VAV3: variants seen among roughly 807,000 people sequenced by gnomAD.
VAV3 encodes the protein guanine nucleotide exchange factor VAV3.
In VAV3, 94 loss-of-function variants were observed where a neutral mutation model predicts 131.2. The observed-to-expected ratio is 0.72, with a 90% confidence interval of 0.61 to 0.85. The LOEUF is 0.85. Among genes scored for constraint, VAV3 ranks in the 40% least tolerant of loss-of-function variants. The pLI, the probability that VAV3 is intolerant of heterozygous loss-of-function variation, is 0.00. For synonymous variants in VAV3, 349 were observed against 342.0 expected, an observed-to-expected ratio of 1.02 and a Z score of -0.22; for missense variants, 939 against 1,002.7, an observed-to-expected ratio of 0.94 and a Z score of 0.86.
At chr1:107,618,827 T>A (rs900934640) in intron 20 of VAV3, among the ~76,000 whole-genome samples, 3 of 152,180 alleles carry the variant, frequency 2.0e-5, no homozygotes, top group Non-Finnish European at 4.4e-5. Flanking sequence ...ACAGTGGGAC[T>A]TAAATATAAA....
chr1:107,670,979 A>C (rs1657749481), intron 19 of VAV3, among the ~76,000 whole-genome samples: 1 of 152,176 alleles, frequency 6.6e-6, no homozygotes, highest in Non-Finnish European at 1.5e-5. Flanking sequence ...TTTAAATGGA[A>C]GATGCATAAA....
Position 107,669,116 on chromosome 1 carries a change from T to C in VAV3, c.1777+14372A>G, listed in dbSNP as rs181878854. 6.4e-5 allele frequency: 70 copies of C among 1,093,570 alleles called. No homozygotes were observed. In the East Asian group the frequency reaches 5.6e-3, roughly 87 times the overall value. 67.7% of individuals were successfully genotyped at this position (1,093,570 alleles called of 1,614,324 possible). On this transcript the variant is annotated intron_variant, in intron 19 of 26. Transcript: ENST00000370056. ...TGAGTTATGCCGGTGTTCTTTAAAA[T>C]TGAAGACAGAAAAATTCTTGGCTGC... is the stretch of plus-strand genomic sequence containing the variant.
chr1:107,795,994 G>A (rs1666521107), intron 2 of VAV3, among the ~76,000 whole-genome samples: 2 of 152,094 alleles, frequency 1.3e-5, no homozygotes. Flanking sequence ...AGAAGATTGG[G>A]TAAAAGCTCA....
intron 19 of VAV3, among the ~76,000 whole-genome samples, chr1:107,665,958 G>A (rs1281923993): frequency 1.3e-5 from 2 of 152,136 alleles, no homozygotes; most frequent in African/African-American, 4.8e-5. Flanking sequence ...GAATTGTGAG[G>A]AAAAAGGAAA....
chr1:107,572,813 T>C lies in VAV3; in HGVS notation c.*518A>G, dbSNP rs1383973641. 1 of 153,260 alleles carries C rather than the reference T, an allele frequency of 6.5e-6. No individual in the cohort carries two copies. The highest frequency in any genetic ancestry group is 1.5e-5 in the Non-Finnish European group (1 of 68,478). 9.5% of individuals were successfully genotyped at this position (153,260 alleles called of 1,614,324 possible). On this transcript the variant is annotated 3_prime_UTR_variant, in exon 27 of 27. Coordinates refer to ENST00000370056, the MANE Select transcript of VAV3 (RefSeq NM_006113.5). Reference sequence around the variant, plus strand: ...GTTTGCCGGGCAATGAGTCACCTTGTTGGACAATTTAAGACAAGTAAGGCT... The same window carrying C: ...GTTTGCCGGGCAATGAGTCACCTTGCTGGACAATTTAAGACAAGTAAGGCT...
At chr1:107,635,552 A>T (rs1654856597) in intron 20 of VAV3, among the ~76,000 whole-genome samples, 1 of 152,134 alleles carries the variant, frequency 6.6e-6, no homozygotes, top group South Asian at 2.1e-4. Context: ...GCACACAAAC[A>T]TGGCACATGT....
intron 1 of VAV3, among the ~76,000 whole-genome samples, chr1:107,895,495 G>A (rs72983425): frequency 0.046 from 7,063 of 152,194 alleles, 424 homozygotes; most frequent in African/African-American, 0.14. Context: ...TACAGATGAG[G>A]AAACAGAGGT....
At position 107,791,469 on chromosome 1, in the gene VAV3, C is replaced by T. The variant is rs552846177; in HGVS notation, c.322-11977G>A. On this transcript the variant is annotated intron_variant, in intron 2 of 26. Transcript: ENST00000370056. ...GCACCACAATGTAAAGGAGGAAATACATTCAAGGGCATTTCAGAGCATACT... is the reference window on the plus strand; with the variant it reads ...GCACCACAATGTAAAGGAGGAAATATATTCAAGGGCATTTCAGAGCATACT... Among the ~76,000 whole-genome samples the T allele has an allele frequency of 4.5e-4, 69 of 151,904 alleles. 1 individual carries two copies. Among genetic ancestry groups the T allele is most frequent in the African/African-American group, 1.6e-3 (67 of 41,424 alleles).
intron 2 of VAV3, among the ~76,000 whole-genome samples, chr1:107,845,436 G>C (rs1362074608): frequency 6.6e-6 from 1 of 152,094 alleles, no homozygotes; most frequent in Non-Finnish European, 1.5e-5. Flanking sequence ...AACAAAACTG[G>C]AAAGAGAATG....
intron 2 of VAV3, among the ~76,000 whole-genome samples, chr1:107,786,492 T>A (rs1231755404): frequency 6.6e-6 from 1 of 152,160 alleles, no homozygotes; most frequent in Non-Finnish European, 1.5e-5. Flanking sequence ...ACATCACTTA[T>A]CAAACAAGTT....
chr1:107,870,037 T>G (rs993839742), intron 2 of VAV3, among the ~76,000 whole-genome samples: 1 of 152,220 alleles, frequency 6.6e-6, no homozygotes, highest in African/African-American at 2.4e-5. Context: ...CCACATTGAT[T>G]GACGGGCATT....
At chr1:107,872,389 G>A (rs1390793287) in intron 2 of VAV3, among the ~76,000 whole-genome samples, 2 of 152,162 alleles carry the variant, frequency 1.3e-5, no homozygotes, top group African/African-American at 4.8e-5. Flanking sequence ...ATTCACCAAT[G>A]TAGGAAATGA....
intron 1 of VAV3, among the ~76,000 whole-genome samples, chr1:107,885,378 G>A (rs1034631752): frequency 6.6e-6 from 1 of 151,602 alleles, no homozygotes; most frequent in Non-Finnish European, 1.5e-5. Context: ...ATTCTGTTAT[G>A]CTGTAATTTG....
At chr1:107,695,886 T>A (rs1659713579) in intron 17 of VAV3, among the ~76,000 whole-genome samples, 1 of 152,152 alleles carries the variant, frequency 6.6e-6, no homozygotes, top group South Asian at 2.1e-4. Flanking sequence ...TAAAAGATTA[T>A]CTACCTCTCA....
intron 2 of VAV3, among the ~76,000 whole-genome samples, chr1:107,866,821 T>C (rs1402280835): frequency 6.9e-5 from 1 of 14,502 alleles, no homozygotes; most frequent in Non-Finnish European, 1.2e-4. Flanking sequence ...AGACTCCATC[T>C]CAAAAAAAAA....
At chr1:107,708,689 T>C (rs183642245) in intron 15 of VAV3, among the ~76,000 whole-genome samples, 47 of 152,138 alleles carry the variant, frequency 3.1e-4, no homozygotes, top group Non-Finnish European at 3.8e-4. Flanking sequence ...ATGCAGCATA[T>C]ACAAAACTCA....
intron 1 of VAV3, among the ~76,000 whole-genome samples, chr1:107,950,876 A>T (rs573261277): frequency 3.3e-4 from 50 of 152,276 alleles, no homozygotes; most frequent in South Asian, 2.1e-3. Context: ...TAGCAAGTCT[A>T]GAGGTTAGAG....
At chr1:107,774,736 T>C in intron 4 of VAV3, among the ~76,000 whole-genome samples, 1 of 152,294 alleles carries the variant, frequency 6.6e-6, no homozygotes, top group Non-Finnish European at 1.5e-5. Flanking sequence ...AAACAATGAT[T>C]GCCTCCACAG....
At chr1:107,837,286 G>A (rs1230409260) in intron 2 of VAV3, among the ~76,000 whole-genome samples, 4 of 152,050 alleles carry the variant, frequency 2.6e-5, no homozygotes, top group Non-Finnish European at 5.9e-5. Context: ...CAATAAATGT[G>A]ATTCACCACA....
Sources: allele counts gnomAD v4.1 joint callset (sites outside exome capture counted in the v4.1 genomes callset), GRCh38; gene constraint gnomAD v4.1.1; transcripts MANE v1.5; gene names NCBI Gene and HGNC (gene_info 2026-07-23, HGNC 2026-07-21).